Variants in WDR7 observed in about 807,000 individuals in gnomAD.
WDR7 encodes the protein WD repeat domain 7.
Under a neutral mutation model 169.4 loss-of-function variants are expected in WDR7, and 46 were observed. The ratio of observed to expected loss-of-function variants is 0.27; its 90% CI spans 0.21 to 0.35. WDR7 has a LOEUF of 0.35. Among genes scored for constraint, WDR7 ranks in the 10% least tolerant of loss-of-function variants. The probability of loss-of-function intolerance (pLI) is 1.00; values close to 1 mark genes in which losing one functional copy is unlikely to be tolerated. For synonymous variants in WDR7, 612 were observed against 666.8 expected, an observed-to-expected ratio of 0.92 and a Z score of 1.27; for missense variants, 1,534 against 1,859.3, an observed-to-expected ratio of 0.83 and a Z score of 3.22.
intron 20 of WDR7, among the ~76,000 whole-genome samples, chr18:56,877,745 A>G (rs1490810198): frequency 6.6e-6 from 1 of 152,132 alleles, no homozygotes; most frequent in Non-Finnish European, 1.5e-5. Flanking sequence ...AAATATATTA[A>G]TTTATTTCAG....
chr18:57,006,579 A>AATAG (rs1391269764), intron 26 of WDR7, among the ~76,000 whole-genome samples: 4 of 152,226 alleles, frequency 2.6e-5, no homozygotes, highest in African/African-American at 9.6e-5. Flanking sequence ...CCACTTTAAG[A>AATAG]ACATTAAATA....
intron 20 of WDR7, among the ~76,000 whole-genome samples, chr18:56,875,150 G>A (rs958368715): frequency 7.2e-5 from 11 of 152,260 alleles, no homozygotes; most frequent in African/African-American, 2.4e-4. Flanking sequence ...CTTCTGGAAA[G>A]GCTGTATCTA....
intron 25 of WDR7, among the ~76,000 whole-genome samples, chr18:56,955,068 T>C (rs2047233225): frequency 6.6e-6 from 1 of 152,132 alleles, no homozygotes; most frequent in Non-Finnish European, 1.5e-5. Context: ...CTCCTCCAAA[T>C]CTGTGGTTTG....
intron 21 of WDR7, among the ~76,000 whole-genome samples, chr18:56,881,355 C>T (rs181073538): frequency 4.6e-5 from 7 of 152,068 alleles, no homozygotes; most frequent in Admixed American, 4.6e-4. Flanking sequence ...CATGCATTAC[C>T]TCACTTCATC....
intron 26 of WDR7, among the ~76,000 whole-genome samples, chr18:56,988,717 A>G (rs1178630002): frequency 6.6e-6 from 1 of 151,924 alleles, no homozygotes; most frequent in Non-Finnish European, 1.5e-5. Flanking sequence ...ATTCAGAAGA[A>G]GCATGGTTGT....
chr18:56,922,063 G>A (rs2046731755), intron 21 of WDR7, among the ~76,000 whole-genome samples: 1 of 152,188 alleles, frequency 6.6e-6, no homozygotes, highest in Non-Finnish European at 1.5e-5. Context: ...AGCCATGGCT[G>A]CTGGTGTTTC....
At chr18:56,993,260 T>G (rs2047843011) in intron 26 of WDR7, among the ~76,000 whole-genome samples, 1 of 152,242 alleles carries the variant, frequency 6.6e-6, no homozygotes, top group Non-Finnish European at 1.5e-5. Context: ...AGCAAGAATT[T>G]GGAATTGAGA....
intron 21 of WDR7, among the ~76,000 whole-genome samples, chr18:56,918,649 A>T (rs142278480): frequency 5.9e-5 from 9 of 152,348 alleles, no homozygotes; most frequent in Non-Finnish European, 1.3e-4. Flanking sequence ...TTGAATAAAT[A>T]TAGCTTTATG....
At chr18:56,843,794 C>T (rs1293758682) in intron 20 of WDR7, among the ~76,000 whole-genome samples, 2 of 151,604 alleles carry the variant, frequency 1.3e-5, no homozygotes, top group African/African-American at 2.4e-5. Flanking sequence ...TTCCTACTAG[C>T]GGTGCATTAT....
intron 12 of WDR7, among the ~76,000 whole-genome samples, chr18:56,700,723 C>G (rs961910134): frequency 1.5e-4 from 22 of 149,742 alleles, no homozygotes; most frequent in Non-Finnish European, 3.1e-4. Context: ...GCGCCCGCTA[C>G]CACGCCCGGC....
At chr18:56,799,617 G>A (rs1209467209) in intron 19 of WDR7, among the ~76,000 whole-genome samples, 1 of 152,066 alleles carries the variant, frequency 6.6e-6, no homozygotes, top group African/African-American at 2.4e-5. Context: ...ACAGTTTCAA[G>A]AAGTATTTTA....
rs2026480850 is a variant in WDR7 at position 56,727,327 on chromosome 18, G to T, written c.1775-4056G>T. ...CTTTCCCTGATATTTTTAAAAACAG[G>T]TTTAGTTGGGAATGGATTTTTTTTT... On this transcript the variant is annotated intron_variant, in intron 13 of 27. Transcript: ENST00000254442. 2.6e-5 allele frequency among the ~76,000 whole-genome samples: 4 copies of T among 151,224 alleles called. No individual in the cohort carries two copies. In the South Asian group the frequency reaches 8.3e-4, roughly 31 times the overall value.
chr18:56,914,597 G>A (rs1351336340), intron 21 of WDR7, among the ~76,000 whole-genome samples: 3 of 152,150 alleles, frequency 2.0e-5, no homozygotes, highest in Non-Finnish European at 4.4e-5. Flanking sequence ...CTTTTGGGAA[G>A]GGGATATAGA....
intron 14 of WDR7, among the ~76,000 whole-genome samples, chr18:56,756,349 A>G (rs1415027307): frequency 6.6e-6 from 1 of 152,188 alleles, no homozygotes. Context: ...CTTGGTTTTT[A>G]AACTAATTGG....
intron 19 of WDR7, among the ~76,000 whole-genome samples, chr18:56,785,498 T>C (rs75728717): frequency 8.5e-4 from 130 of 152,306 alleles, no homozygotes; most frequent in African/African-American, 3.1e-3. Context: ...TAACTTAAAA[T>C]TGAGCTTTGT....
At chr18:56,776,974 G>T in intron 17 of WDR7, 94 bp downstream of exon 17, 6 of 1,175,412 alleles carry the variant, frequency 5.1e-6, no homozygotes, top group South Asian at 4.9e-5. Context: ...CATCTGCTTT[G>T]TTATGTATGA....
chr18:56,987,499 T>C (rs903783276), intron 26 of WDR7, among the ~76,000 whole-genome samples: 1 of 152,162 alleles, frequency 6.6e-6, no homozygotes, highest in Non-Finnish European at 1.5e-5. Flanking sequence ...GATACTGTTA[T>C]TTGATAAAGA....
chr18:56,803,020 C>G (rs540775117), intron 19 of WDR7, among the ~76,000 whole-genome samples: 47 of 151,906 alleles, frequency 3.1e-4, no homozygotes, highest in South Asian at 2.1e-3. Flanking sequence ...CATGTATCTT[C>G]TAGGTCATTA....
intron 14 of WDR7, among the ~76,000 whole-genome samples, chr18:56,733,350 T>A (rs1280240187): frequency 6.6e-6 from 1 of 152,208 alleles, no homozygotes; most frequent in Admixed American, 6.5e-5. Context: ...TTGAGGTTCC[T>A]TCTGAAGAGA....
Sources: gnomAD v4.1 joint callset for allele counts (sites outside exome capture counted in the v4.1 genomes callset) on GRCh38, gnomAD v4.1.1 for gene constraint, MANE v1.5 for transcripts, NCBI Gene and HGNC (gene_info 2026-07-23, HGNC 2026-07-21) for gene names.